The following LARS2 variants were observed in gnomAD, a reference collection of about 807,000 sequenced individuals.
LARS2 encodes leucyl-tRNA synthetase 2, mitochondrial.
Under a neutral mutation model 116.6 loss-of-function variants are expected in LARS2, and 81 were observed. That is an observed-to-expected ratio of 0.69 (90% CI 0.58 to 0.84). The LOEUF (loss-of-function observed/expected upper bound fraction) is 0.84. Among genes scored for constraint, LARS2 ranks in the 40% least tolerant of loss-of-function variants. The pLI is 0.00. For missense variants in LARS2, 968 were observed against 1,114.5 expected (o/e 0.87, Z 1.87); for synonymous variants, 396 against 407.2 (o/e 0.97, Z 0.33).
chr3:45,463,540 CTCTTA>C (rs1699369833), intron 8 of LARS2, among the ~76,000 whole-genome samples: 1 of 152,114 alleles, frequency 6.6e-6, no homozygotes, highest in African/African-American at 2.4e-5. Flanking sequence ...GTAGGTACTC[CTCTTA>C]TCTTCATTTT....
intron 15 of LARS2, among the ~76,000 whole-genome samples, chr3:45,502,992 T>A (rs1401442340): frequency 6.6e-6 from 1 of 152,016 alleles, no homozygotes; most frequent in Non-Finnish European, 1.5e-5. Context: ...TCACTCATGA[T>A]GCCTAGTTCT....
At chr3:45,408,789 C>T (rs1248056224) in intron 4 of LARS2, among the ~76,000 whole-genome samples, 2 of 152,212 alleles carry the variant, frequency 1.3e-5, no homozygotes, top group East Asian at 3.8e-4. Context: ...TAGGTAGATT[C>T]ACCCATTTCC....
At chr3:45,516,033 A>C (rs78033858) in intron 16 of LARS2, 61 bp from the exon 17 acceptor site, 379 of 1,363,730 alleles carry the variant, frequency 2.8e-4, no homozygotes, top group Non-Finnish European at 3.3e-4. Flanking sequence ...TATTGATGCT[A>C]TTTCTATAGA....
intron 20 of LARS2, 165 bp from the exon 21 acceptor site, chr3:45,541,664 T>C: frequency 1.3e-6 from 1 of 761,662 alleles, no homozygotes; most frequent in South Asian, 2.1e-5. Flanking sequence ...CCTGGGATTA[T>C]AAACCAGGCC....
intron 4 of LARS2, among the ~76,000 whole-genome samples, chr3:45,405,405 G>A (rs1362176702): frequency 6.6e-6 from 1 of 152,140 alleles, no homozygotes; most frequent in African/African-American, 2.4e-5. Context: ...TCAACTGTTT[G>A]TGAGTTGATT....
intron 6 of LARS2, among the ~76,000 whole-genome samples, chr3:45,420,576 A>C (rs752071566): frequency 2.6e-5 from 4 of 152,204 alleles, no homozygotes; most frequent in African/African-American, 9.7e-5. Flanking sequence ...TTGAAATTTG[A>C]TGAGTACAGT....
intron 6 of LARS2, among the ~76,000 whole-genome samples, chr3:45,443,890 T>G (rs1698960307): frequency 6.6e-6 from 1 of 152,160 alleles, no homozygotes. Flanking sequence ...ACCCCTCCCT[T>G]TGCCTCAGAG....
chr3:45,505,635 G>A (rs1700190753), intron 15 of LARS2, among the ~76,000 whole-genome samples: 1 of 151,966 alleles, frequency 6.6e-6, no homozygotes, highest in Admixed American at 6.6e-5. Flanking sequence ...AGGCTGCAGT[G>A]AGCCATGATT....
chr3:45,435,768 C>T (rs958149347), intron 6 of LARS2, among the ~76,000 whole-genome samples: 3 of 152,148 alleles, frequency 2.0e-5, no homozygotes, highest in African/African-American at 7.2e-5. Flanking sequence ...CATTGTCATT[C>T]CTTAGGTACT....
At chr3:45,513,286 C>A in intron 16 of LARS2, 51 bp downstream of exon 16, 2 of 1,220,356 alleles carry the variant, frequency 1.6e-6, no homozygotes, top group South Asian at 1.2e-5. Flanking sequence ...GAGCCAAGGC[C>A]AGGCCTGAGA....
intron 14 of LARS2, among the ~76,000 whole-genome samples, chr3:45,500,220 T>C (rs1700095759): frequency 2.0e-5 from 3 of 152,242 alleles, no homozygotes; most frequent in African/African-American, 7.2e-5. Flanking sequence ...CAGGCTGGTC[T>C]CGAACTCCTG....
Position 45,516,024 on chromosome 3 carries a change from A to T in LARS2, c.1862-70A>T, listed in dbSNP as rs373907677. On this transcript the variant is annotated intron_variant, in intron 16 of 21. Coordinates refer to ENST00000645846, the MANE Select transcript of LARS2 (RefSeq NM_015340.4). The stretch of plus-strand genomic sequence containing the variant: ...TCCATCGCTCACCCAGTTTTTACTT[A>T]TTGATGCTATTTCTATAGAAGCAAT... The T allele has an allele frequency of 3.6e-3, 4,508 of 1,260,746 alleles. 187 individuals carry two copies. In the South Asian group the frequency reaches 0.062, roughly 17 times the overall value. 78.1% of individuals were successfully genotyped at this position (1,260,746 alleles called of 1,614,324 possible). A position where few individuals can be genotyped will look rare whatever the true frequency, so the allele number is the denominator to read the frequency against.
intron 8 of LARS2, among the ~76,000 whole-genome samples, chr3:45,473,965 A>C (rs887661188): frequency 2.6e-5 from 4 of 152,184 alleles, no homozygotes; most frequent in Non-Finnish European, 5.9e-5. Context: ...AAAGATGTGA[A>C]TTATGACCTT....
At chr3:45,502,341 G>A (rs970755034) in intron 15 of LARS2, among the ~76,000 whole-genome samples, 4 of 151,932 alleles carry the variant, frequency 2.6e-5, no homozygotes, top group Admixed American at 6.5e-5. Flanking sequence ...TTCTTGGCTT[G>A]TCTTGTTTTT....
At chr3:45,407,547 A>G (rs1698251444) in intron 4 of LARS2, among the ~76,000 whole-genome samples, 1 of 152,156 alleles carries the variant, frequency 6.6e-6, no homozygotes, top group Non-Finnish European at 1.5e-5. Flanking sequence ...TATTCACTTG[A>G]TTTTTATCCC....
At chr3:45,508,296 C>G (rs1700228542) in intron 15 of LARS2, among the ~76,000 whole-genome samples, 1 of 152,048 alleles carries the variant, frequency 6.6e-6, no homozygotes, top group Non-Finnish European at 1.5e-5. Flanking sequence ...TTCTCTGTTA[C>G]TCTGATCATG....
At chr3:45,485,358 A>G (rs1199369844) in intron 10 of LARS2, among the ~76,000 whole-genome samples, 1 of 152,140 alleles carries the variant, frequency 6.6e-6, no homozygotes, top group Non-Finnish European at 1.5e-5. Context: ...TTCACTACAG[A>G]TGGACTTTGT....
chr3:45,504,109 A>C (rs1700163581), intron 15 of LARS2, among the ~76,000 whole-genome samples: 1 of 152,054 alleles, frequency 6.6e-6, no homozygotes, highest in African/African-American at 2.4e-5. Context: ...GTATTCCCTC[A>C]TATGGATATA....
intron 6 of LARS2, among the ~76,000 whole-genome samples, chr3:45,445,527 C>T (rs982987155): frequency 6.6e-6 from 1 of 152,094 alleles, no homozygotes; most frequent in Non-Finnish European, 1.5e-5. Flanking sequence ...GAGCAGGCTG[C>T]GTCGTATGCA....
Sources: gnomAD v4.1 joint callset for allele counts (sites outside exome capture counted in the v4.1 genomes callset) on GRCh38, gnomAD v4.1.1 for gene constraint, MANE v1.5 for transcripts, NCBI Gene and HGNC (gene_info 2026-07-23, HGNC 2026-07-21) for gene names.